Variants in USP18 observed in about 807,000 individuals in gnomAD.
The protein encoded by USP18 is ubiquitin specific peptidase 18.
Under a neutral mutation model 48.7 loss-of-function variants are expected in USP18, and 11 were observed. The observed-to-expected ratio is 0.23, with a 90% CI of 0.14 to 0.37. The LOEUF (loss-of-function observed/expected upper bound fraction) is 0.37. USP18 is among the 10% of genes least tolerant of loss of function. The probability of loss-of-function intolerance (pLI) is 1.00; values close to 1 mark genes in which losing one functional copy is unlikely to be tolerated. For synonymous variants in USP18, 114 were observed against 163.2 expected, an observed-to-expected ratio of 0.70 and a Z score of 2.30; for missense variants, 285 against 436.4, an observed-to-expected ratio of 0.65 and a Z score of 3.09.
intron 1 of USP18, among the ~76,000 whole-genome samples, chr22:18,154,664 C>T (rs1159711739): frequency 6.6e-6 from 1 of 152,052 alleles, no homozygotes; most frequent in Non-Finnish European, 1.5e-5. Context: ...TAGTCTTGAA[C>T]TCCTGGGCTC....
chr22:18,171,702 A>G (rs1929631818), intron 8 of USP18, among the ~76,000 whole-genome samples: 1 of 152,046 alleles, frequency 6.6e-6, no homozygotes, highest in Admixed American at 6.6e-5. Flanking sequence ...GAAATGCTAC[A>G]TAACAAATTT....
intron 4 of USP18, among the ~76,000 whole-genome samples, chr22:18,162,556 T>C (rs1311802292): frequency 6.7e-6 from 1 of 150,180 alleles, no homozygotes; most frequent in Non-Finnish European, 1.5e-5. Context: ...TGTGTCTTGA[T>C]GTGGGTTGCT....
At position 18,173,317 on chromosome 22, in the gene USP18, G is replaced by A. The variant is rs1217643085; in HGVS notation, c.1023+36G>A. 3.2e-6 allele frequency: 5 copies of A among 1,575,496 alleles called. No homozygotes were observed. The African/African-American group carries it at 5.4e-5, about 17-fold the overall frequency. ...TCATCCACAATTGCCTCCTGCCCTG[G>A]ATTGGCCACCTCTAGCAAATGCTGG... On this transcript the variant is annotated intron_variant, in intron 9 of 10. Coordinates refer to ENST00000215794, the MANE Select transcript of USP18 (RefSeq NM_017414.4).
chr22:18,167,929 G>T lies in USP18; in HGVS notation c.520G>T (p.Asp174Tyr). The change falls in exon 6 of 11, where the codon GAC becomes TAC. Residue 174 changes from aspartate (D) to tyrosine (Y), a missense_variant. Asp to Tyr is a radical substitution (Grantham distance 160). Coordinates refer to ENST00000215794, the MANE Select transcript of USP18 (RefSeq NM_017414.4). The stretch of plus-strand genomic sequence containing the variant: ...GGCCCTGTATACGATCCGGGTGAAG[G>T]ACTCCTTGATTTGCGTTGACTGTGC... ...LQALYTIRVK[D>Y]SLICVDCAME... The T allele has an allele frequency of 6.2e-7, 1 of 1,613,990 alleles. No individual in the cohort carries two copies. Among genetic ancestry groups the T allele is most frequent in the Non-Finnish European group, 8.5e-7 (1 of 1,180,014 alleles).
chr22:18,159,836 C>T (rs1482908283), intron 2 of USP18, among the ~76,000 whole-genome samples: 4 of 152,032 alleles, frequency 2.6e-5, no homozygotes, highest in Non-Finnish European at 4.4e-5. Context: ...CCACCACGCC[C>T]GGCTAATTTT....
chr22:18,168,423 G>T (rs751305593), intron 6 of USP18, among the ~76,000 whole-genome samples: 10 of 150,840 alleles, frequency 6.6e-5, no homozygotes, highest in Non-Finnish European at 1.5e-4. Context: ...TGGAGACAGA[G>T]TCTTCCTCTG....
intron 10 of USP18, among the ~76,000 whole-genome samples, chr22:18,174,495 G>T (rs1317932639): frequency 6.6e-6 from 1 of 152,162 alleles, no homozygotes; most frequent in Non-Finnish European, 1.5e-5. Context: ...CTCCCAAAGT[G>T]CTGGGATTAC....
chr22:18,167,327 T>G lies in USP18; in HGVS notation c.473T>G (p.Val158Gly). 1 of 1,613,862 alleles carries G rather than the reference T, an allele frequency of 6.2e-7. No individual in the cohort carries two copies. The highest frequency in any genetic ancestry group is 1.1e-5 in the South Asian group (1 of 91,070). The change falls in exon 5 of 11, where the codon GTG becomes GGG. Residue 158 changes from valine to glycine, a missense_variant. This residue lies in a region of USP18 where 199 missense variants were observed against 239.6 expected (regional missense o/e 0.83). Transcript: ENST00000215794. The stretch of plus-strand genomic sequence containing the variant: ...CTGATTAAGGACCAGATCACTGATG[T>G]GCACTTGGTAAGAACCTAGAACCAG... The part of the protein sequence containing the change: ...WNLIKDQITD[V>G]HLVERLQALY...
chr22:18,162,788 A>G (rs1215776717), intron 4 of USP18, among the ~76,000 whole-genome samples: 2 of 152,148 alleles, frequency 1.3e-5, no homozygotes, highest in African/African-American at 2.4e-5. Context: ...GCTGCATGCT[A>G]TGGCCACTGT....
At position 18,161,017 on chromosome 22, in the gene USP18, A is replaced by G. The variant is rs1244379783; in HGVS notation, c.254+749A>G. On this transcript the variant is annotated intron_variant, in intron 3 of 10. Transcript: ENST00000215794. The stretch of plus-strand genomic sequence containing the variant: ...TTTCCTGACCTCAGGTGATTTGCCC[A>G]CCTCAGCTTCCCAAAGTTCTGGGAT... 6.6e-5 allele frequency among the ~76,000 whole-genome samples: 10 copies of G among 151,930 alleles called. No individual in the cohort carries two copies. The East Asian group carries it at 7.7e-4, about 12-fold the overall frequency.
At chr22:18,167,608 G>A (rs1266952735) in intron 5 of USP18, among the ~76,000 whole-genome samples, 6 of 150,308 alleles carry the variant, frequency 4.0e-5, no homozygotes, top group African/African-American at 1.2e-4. Context: ...TGAGGCGGGA[G>A]AATGGCGTGA....
chr22:18,173,744 G>A (rs761314494), intron 9 of USP18, 49 bp from the exon 10 acceptor site: 41 of 1,604,444 alleles, frequency 2.6e-5, no homozygotes, highest in Non-Finnish European at 3.5e-5. Flanking sequence ...GTCCTCTGTG[G>A]GTGCTTGTGT....
At chr22:18,166,500 T>A (rs1929480701) in intron 4 of USP18, among the ~76,000 whole-genome samples, 1 of 152,012 alleles carries the variant, frequency 6.6e-6, no homozygotes, top group African/African-American at 2.4e-5. Context: ...ATTGTAGGTC[T>A]TGTCTCTTTT....
rs972700564 is a variant in USP18 at position 18,157,541 on chromosome 22, G to A, written c.-106-17G>A. ...CTCCTTCTCTAATTCTTGCCTACCC[G>A]CATTGTATTTTCACAGAGATTCCAT... On this transcript the variant is annotated splice_polypyrimidine_tract_variant and intron_variant, in intron 1 of 10. Coordinates refer to ENST00000215794, the MANE Select transcript of USP18 (RefSeq NM_017414.4). 1.2e-5 allele frequency: 16 copies of A among 1,290,800 alleles called. No homozygotes were observed. Among genetic ancestry groups the A allele is most frequent in the Admixed American group, 2.1e-5 (1 of 48,502 alleles). The allele number at this position is 1,290,800 out of a possible 1,614,324, so 80.0% of individuals were successfully genotyped here. A position where few individuals can be genotyped will look rare whatever the true frequency, so the allele number is the denominator to read the frequency against.
At chr22:18,156,443 C>T (rs944734310) in intron 1 of USP18, among the ~76,000 whole-genome samples, 1 of 152,196 alleles carries the variant, frequency 6.6e-6, no homozygotes, top group African/African-American at 2.4e-5. Context: ...TCTTTGGGTC[C>T]ACACTGCCTT....
chr22:18,174,190 G>C (rs576475389), intron 10 of USP18, among the ~76,000 whole-genome samples: 1 of 151,486 alleles, frequency 6.6e-6, no homozygotes, highest in South Asian at 2.1e-4. Context: ...GATTCACCCA[G>C]ATTCGTAGGG....
intron 4 of USP18, among the ~76,000 whole-genome samples, chr22:18,164,860 G>T (rs1452895526): frequency 6.6e-6 from 1 of 151,916 alleles, no homozygotes; most frequent in Non-Finnish European, 1.5e-5. Context: ...GCCTATGTGT[G>T]GTCCAAACCC....
In USP18 at chr22:18,169,928, C is replaced by T. The variant is rs144335319; in HGVS notation, c.712C>T (p.Arg238Cys). ...CTGTGAGAACTGTGGGAAGAAGACC[C>T]GTGGGAAACAGGTACTCATTCCCTA... ...CFCENCGKKT[R>C]GKQVLKLTHL... The change falls in exon 7 of 11, where the codon CGT becomes TGT. Residue 238 changes from arginine to cysteine, a missense_variant. Transcript: ENST00000215794. The T allele has an allele frequency of 3.0e-4, 478 of 1,599,962 alleles. No homozygotes were observed. The highest frequency in any genetic ancestry group is 2.8e-3 in the African/African-American group (210 of 74,472).
intron 1 of USP18, among the ~76,000 whole-genome samples, chr22:18,155,333 C>A (rs150121798): frequency 9.3e-4 from 142 of 152,328 alleles, no homozygotes; most frequent in Middle Eastern, 6.8e-3. Flanking sequence ...TGTAGTGAGC[C>A]TAGTCCTGGT....
Sources: gnomAD v4.1 joint callset for allele counts (sites outside exome capture counted in the v4.1 genomes callset) on GRCh38, gnomAD v4.1.1 for gene constraint, gnomAD v4.1.1 regional missense constraint, MANE v1.5 for transcripts, NCBI Gene and HGNC (gene_info 2026-07-23, HGNC 2026-07-21) for gene names.